Variants in SPATS2L observed in about 807,000 individuals in gnomAD.
SPATS2L encodes SPATS2-like protein.
Under a neutral mutation model 59.6 loss-of-function variants are expected in SPATS2L, and 30 were observed. The observed-to-expected ratio is 0.50, with a 90% CI of 0.38 to 0.68. The LOEUF (loss-of-function observed/expected upper bound fraction) is 0.68, where lower values mean the gene tolerates loss of function less well. SPATS2L is among the 30% of genes least tolerant of loss of function. The pLI is 0.00. For missense variants in SPATS2L, 615 were observed against 700.0 expected, an observed-to-expected ratio of 0.88 and a Z score of 1.37; for synonymous variants, 252 against 263.5, an observed-to-expected ratio of 0.96 and a Z score of 0.42.
intron 2 of SPATS2L, among the ~76,000 whole-genome samples, chr2:200,348,568 A>C (rs1034484932): frequency 1.3e-5 from 2 of 152,170 alleles, no homozygotes; most frequent in African/African-American, 4.8e-5. Flanking sequence ...AGCTGAGGAC[A>C]GTGGGGCTAG....
At chr2:200,398,155 T>TG (rs1309876861) in intron 3 of SPATS2L, among the ~76,000 whole-genome samples, 1 of 152,078 alleles carries the variant, frequency 6.6e-6, no homozygotes. Flanking sequence ...AGCAACCTCC[T>TG]GGGGGGAGTG....
intron 2 of SPATS2L, among the ~76,000 whole-genome samples, chr2:200,360,738 T>A (rs979375151): frequency 6.6e-6 from 1 of 152,094 alleles, no homozygotes; most frequent in Non-Finnish European, 1.5e-5. Context: ...CGTAATAAGC[T>A]CTTGTGTTGT....
intron 6 of SPATS2L, among the ~76,000 whole-genome samples, chr2:200,437,645 T>C (rs2084392022): frequency 6.6e-6 from 1 of 152,234 alleles, no homozygotes; most frequent in Admixed American, 6.5e-5. Context: ...GTACTTTGTT[T>C]ACTACCTTTG....
chr2:200,328,809 A>G (rs1048380127), intron 1 of SPATS2L, among the ~76,000 whole-genome samples: 2 of 152,248 alleles, frequency 1.3e-5, no homozygotes, highest in African/African-American at 4.8e-5. Context: ...CTAAGTGGTT[A>G]CTGGTTGAAT....
intron 8 of SPATS2L, among the ~76,000 whole-genome samples, chr2:200,452,180 A>C (rs750214498): frequency 2.0e-4 from 30 of 152,222 alleles, no homozygotes; most frequent in Middle Eastern, 3.2e-3. Context: ...ACTTTCCCTG[A>C]ATAGTGACCT....
At chr2:200,332,122 A>C (rs1458770975) in intron 2 of SPATS2L, among the ~76,000 whole-genome samples, 1 of 151,116 alleles carries the variant, frequency 6.6e-6, no homozygotes. Flanking sequence ...AAGAGGAAAA[A>C]TTTTATTACA....
At chr2:200,442,235 G>A (rs1233838690) in intron 8 of SPATS2L, among the ~76,000 whole-genome samples, 2 of 152,180 alleles carry the variant, frequency 1.3e-5, no homozygotes, top group African/African-American at 4.8e-5. Context: ...AATGAAAATT[G>A]TTATTACTAT....
In SPATS2L at chr2:200,467,297, C is replaced by A; in HGVS notation, c.855C>A (p.Ile285=). 6.2e-7 allele frequency: 1 copy of A among 1,612,588 alleles called. No individual in the cohort carries two copies. Among genetic ancestry groups the A allele is most frequent in the South Asian group, 1.1e-5 (1 of 91,024 alleles). ...CTCCTCCTTATTTGGCAGTGGAAAT[C>A]CTGACTGCTCGTCAGAAGAAAGCAG... ...MDKVKEEAME[I]LTARQKKAEE... is the part of the protein sequence containing the mutation. Residue 285 remains isoleucine (I), a synonymous_variant, in exon 10 of 13, where the codon ATC becomes ATA. Transcript: ENST00000409140.
rs1278006441 is a variant in SPATS2L, at chr2:200,448,287, C to CA, written c.788+7508dup. ...CTAAACCCTGTCTCTACTAAAAATA[C>CA]AAAAATAAGCCCGGTGTGGTGGTGC... On this transcript the variant is annotated intron_variant, in intron 8 of 12. Coordinates refer to ENST00000409140, the MANE Select transcript of SPATS2L (RefSeq NM_001100423.2). Among the ~76,000 whole-genome samples, 3 of 152,048 alleles carry CA rather than the reference C, an allele frequency of 2.0e-5. 1 individual carries two copies. The East Asian group carries it at 5.8e-4, about 29-fold the overall frequency.
intron 3 of SPATS2L, among the ~76,000 whole-genome samples, chr2:200,408,309 G>A (rs964345818): frequency 3.9e-5 from 6 of 152,188 alleles, no homozygotes; most frequent in African/African-American, 1.4e-4. Flanking sequence ...TGTTGCTGGC[G>A]TTGAATGCCA....
chr2:200,371,998 A>G (rs2081442429), intron 2 of SPATS2L: 5 of 984,204 alleles, frequency 5.1e-6, no homozygotes, highest in African/African-American at 3.5e-5. Context: ...GGCTCTTTCC[A>G]TCACCATCTC....
At chr2:200,331,947 A>G (rs921807587) in intron 2 of SPATS2L, among the ~76,000 whole-genome samples, 20 of 152,152 alleles carry the variant, frequency 1.3e-4, no homozygotes, top group African/African-American at 4.6e-4. Context: ...TTTGGAATCA[A>G]TCTCTGTTAT....
At chr2:200,465,231 C>T (rs1431604618) in intron 9 of SPATS2L, among the ~76,000 whole-genome samples, 1 of 152,226 alleles carries the variant, frequency 6.6e-6, no homozygotes, top group African/African-American at 2.4e-5. Flanking sequence ...CTAAAGAGGG[C>T]AGTGGCTTCT....
chr2:200,451,187 G>C (rs1001036476), intron 8 of SPATS2L, among the ~76,000 whole-genome samples: 1 of 149,190 alleles, frequency 6.7e-6, no homozygotes, highest in Non-Finnish European at 1.5e-5. Context: ...TGGGTATGGT[G>C]GTGTAGATCT....
chr2:200,477,860 G>A lies in SPATS2L; in HGVS notation c.1506G>A (p.Pro502=), dbSNP rs376874333. 674 of 1,596,528 alleles carry A rather than the reference G, an allele frequency of 4.2e-4. 7 individuals are homozygous for A. In the South Asian group the frequency reaches 7.0e-3, roughly 17 times the overall value. The change falls in exon 13 of 13, where the codon CCG becomes CCA. Residue 502 remains proline (P), a synonymous_variant. Transcript: ENST00000409140. ...TGGGGATGAAGACCCCCGAGGCCCC[G>A]GCCCATTCTGAAAAGCCCCGGCGAA... ...ASLGMKTPEA[P]AHSEKPRRRQ... is the part of the protein sequence containing the mutation.
At chr2:200,448,234 G>A (rs1311015903) in intron 8 of SPATS2L, among the ~76,000 whole-genome samples, 2 of 152,144 alleles carry the variant, frequency 1.3e-5, no homozygotes, top group Non-Finnish European at 2.9e-5. Context: ...TTGAGGTCAG[G>A]AGTTAGAGAC....
At chr2:200,407,430 A>G (rs2082724690) in intron 3 of SPATS2L, among the ~76,000 whole-genome samples, 2 of 152,318 alleles carry the variant, frequency 1.3e-5, no homozygotes, top group Admixed American at 6.5e-5. Context: ...AGGACAGTAC[A>G]ACACTTACTA....
At chr2:200,392,246 GGAGA>G (rs1383624652) in intron 3 of SPATS2L, among the ~76,000 whole-genome samples, 3 of 152,158 alleles carry the variant, frequency 2.0e-5, no homozygotes, top group African/African-American at 7.2e-5. Context: ...ACTGGCAGGA[GGAGA>G]GAGGAGCTGA....
chr2:200,336,538 C>T (rs551326864), intron 2 of SPATS2L, among the ~76,000 whole-genome samples: 1 of 152,246 alleles, frequency 6.6e-6, no homozygotes, highest in South Asian at 2.1e-4. Context: ...GGTCATCATA[C>T]CATTAAAAGA....
Sources: gnomAD v4.1 joint callset for allele counts (sites outside exome capture counted in the v4.1 genomes callset) on GRCh38, gnomAD v4.1.1 for gene constraint, MANE v1.5 for transcripts, NCBI Gene and HGNC (gene_info 2026-07-23, HGNC 2026-07-21) for gene names.